ST6GALNAC3: variants seen among roughly 807,000 people sequenced by gnomAD.
ST6GALNAC3 encodes alpha-N-acetylgalactosaminide alpha-2,6-sialyltransferase 3.
In ST6GALNAC3, 25 loss-of-function variants were observed where a neutral mutation model predicts 32.7. The ratio of observed to expected loss-of-function variants is 0.76; its 90% confidence interval spans 0.56 to 1.07. The LOEUF (loss-of-function observed/expected upper bound fraction) is 1.07. Among genes scored for constraint, ST6GALNAC3 ranks in the 50% least tolerant of loss-of-function variants. ST6GALNAC3 has a pLI of 0.00. For synonymous variants in ST6GALNAC3, 129 were observed against 133.1 expected (o/e 0.97, Z 0.21); for missense variants, 355 against 382.4 (o/e 0.93, Z 0.60).
At chr1:76,217,297 TC>T (rs1361971227) in intron 1 of ST6GALNAC3, among the ~76,000 whole-genome samples, 1 of 152,236 alleles carries the variant, frequency 6.6e-6, no homozygotes, top group African/African-American at 2.4e-5. Context: ...ACTAGATTTT[TC>T]TTTTAATCAT....
chr1:76,223,176 G>A (rs1014156134), intron 1 of ST6GALNAC3, among the ~76,000 whole-genome samples: 1 of 152,102 alleles, frequency 6.6e-6, no homozygotes, highest in Non-Finnish European at 1.5e-5. Context: ...ATAAAGAAAT[G>A]TGGTACATAT....
intron 1 of ST6GALNAC3, among the ~76,000 whole-genome samples, chr1:76,305,386 G>A (rs930844773): frequency 1.2e-4 from 18 of 152,036 alleles, no homozygotes; most frequent in African/African-American, 4.1e-4. Flanking sequence ...CTTTGAATAG[G>A]GCAGAAGGAG....
chr1:76,558,372 G>A (rs71656889), intron 3 of ST6GALNAC3, among the ~76,000 whole-genome samples: 7,872 of 152,156 alleles, frequency 0.052, 251 homozygotes, highest in Middle Eastern at 0.085. Flanking sequence ...GCTGGATAAA[G>A]AAAATGTACA....
intron 1 of ST6GALNAC3, among the ~76,000 whole-genome samples, chr1:76,211,151 A>G (rs898197528): frequency 5.9e-5 from 9 of 152,228 alleles, no homozygotes; most frequent in Non-Finnish European, 1.2e-4. Context: ...TTCTCAAAAG[A>G]AGACATTTAT....
At chr1:76,340,426 C>T (rs1316566115) in intron 2 of ST6GALNAC3, among the ~76,000 whole-genome samples, 1 of 152,140 alleles carries the variant, frequency 6.6e-6, no homozygotes, top group African/African-American at 2.4e-5. Flanking sequence ...GAAGGGTGCT[C>T]CCAAGGTGCC....
chr1:76,608,597 A>G (rs890139081), intron 3 of ST6GALNAC3, among the ~76,000 whole-genome samples: 3 of 135,162 alleles, frequency 2.2e-5, no homozygotes, highest in Admixed American at 1.5e-4. Flanking sequence ...TGAGCTGGAA[A>G]TGTGTGTGTG....
intron 3 of ST6GALNAC3, among the ~76,000 whole-genome samples, chr1:76,600,552 A>G (rs1647207965): frequency 6.6e-6 from 1 of 152,068 alleles, no homozygotes; most frequent in African/African-American, 2.4e-5. Flanking sequence ...CCCCTCCAAA[A>G]AAGTCTAGGA....
At chr1:76,559,824 A>G (rs1665142926) in intron 3 of ST6GALNAC3, among the ~76,000 whole-genome samples, 2 of 152,162 alleles carry the variant, frequency 1.3e-5, no homozygotes, top group African/African-American at 4.8e-5. Context: ...CAGAGGTGAC[A>G]GCATGGTGGA....
Position 76,541,847 on chromosome 1 carries a change from G to A in ST6GALNAC3, c.624-85605G>A, listed in dbSNP as rs150191868. On this transcript the variant is annotated intron_variant, in intron 3 of 4. Transcript: ENST00000328299. ...TGCCACAGGCAGCTCTGTGAGGCAC[G>A]TGCTGCTGCTTCTGAAATGATGCAT... Among the ~76,000 whole-genome samples the A allele has an allele frequency of 1.9e-3, 287 of 152,270 alleles. 1 individual carries two copies. Among genetic ancestry groups the A allele is most frequent in the African/African-American group, 6.5e-3 (271 of 41,546 alleles).
chr1:76,094,413 G>A (rs1647094919), intron 1 of ST6GALNAC3, among the ~76,000 whole-genome samples: 1 of 152,176 alleles, frequency 6.6e-6, no homozygotes, highest in South Asian at 2.1e-4. Context: ...AGCTTCCCAA[G>A]TGCTAGGCAT....
At chr1:76,564,575 ATTTTTTTTT>A (rs200008546) in intron 3 of ST6GALNAC3, among the ~76,000 whole-genome samples, 1 of 126,268 alleles carries the variant, frequency 7.9e-6, no homozygotes, top group Non-Finnish European at 1.6e-5. Flanking sequence ...TGAATGCAGC[ATTTTTTTTT>A]TTTTTTTTTT....
intron 3 of ST6GALNAC3, among the ~76,000 whole-genome samples, chr1:76,461,491 T>A (rs780822526): frequency 2.6e-5 from 4 of 152,216 alleles, no homozygotes; most frequent in Non-Finnish European, 5.9e-5. Context: ...ACACTCACTT[T>A]GGAAGAATGG....
chr1:76,421,963 A>C (rs968788079), intron 3 of ST6GALNAC3, among the ~76,000 whole-genome samples: 1 of 151,848 alleles, frequency 6.6e-6, no homozygotes, highest in African/African-American at 2.4e-5. Flanking sequence ...TCCTTACCTC[A>C]CATACCCAGC....
At chr1:76,592,168 A>C (rs1167250790) in intron 3 of ST6GALNAC3, among the ~76,000 whole-genome samples, 4 of 152,174 alleles carry the variant, frequency 2.6e-5, no homozygotes, top group African/African-American at 7.2e-5. Flanking sequence ...CTGTGTCAGC[A>C]GTTTAGGGGA....
In ST6GALNAC3 at chr1:76,475,795, C is replaced by T. The variant is rs561285145; in HGVS notation, c.623+63378C>T. Among the ~76,000 whole-genome samples, 8 of 152,296 alleles carry T rather than the reference C, an allele frequency of 5.3e-5. No homozygotes were observed. The East Asian group carries it at 1.5e-3, about 29-fold the overall frequency. On this transcript the variant is annotated intron_variant, in intron 3 of 4. Transcript: ENST00000328299. ...ATACACGTGGCATGGTGGTTTGCTGCACCCATCAACCCATCATCTACATTA... is the reference window on the plus strand; with the variant it reads ...ATACACGTGGCATGGTGGTTTGCTGTACCCATCAACCCATCATCTACATTA...
Position 76,451,006 on chromosome 1 carries a change from T to C in ST6GALNAC3, c.623+38589T>C, listed in dbSNP as rs370387053. Among the ~76,000 whole-genome samples, 141 of 152,360 alleles carry C rather than the reference T, an allele frequency of 9.3e-4. 1 individual carries two copies. Among genetic ancestry groups the C allele is most frequent in the Middle Eastern group, 3.4e-3 (1 of 294 alleles). ...GTGATGTCTTCAGATTTGTTCTTTT[T>C]GCTTAGTCTTGCTTTGGCTATGAAA... On this transcript the variant is annotated intron_variant, in intron 3 of 4. Transcript: ENST00000328299.
rs1390391101 is a variant in ST6GALNAC3, at chr1:76,412,087, T to C, written c.293T>C (p.Ile98Thr). The C allele has an allele frequency of 3.1e-6, 5 of 1,613,574 alleles. No homozygotes were observed. Among genetic ancestry groups the C allele is most frequent in the East Asian group, 2.2e-5 (1 of 44,864 alleles). The part of the protein sequence containing the change: ...QMVGQKVGNE[I>T]DRSSCIWRMN... Reference sequence around the variant, plus strand: ...GTTGGCCAGAAGGTGGGAAATGAGATAGATCGATCCTCCTGCATTTGGAGA... The same window carrying C: ...GTTGGCCAGAAGGTGGGAAATGAGACAGATCGATCCTCCTGCATTTGGAGA... The change falls in exon 3 of 5, where the codon ATA (isoleucine) becomes ACA (threonine). Residue 98 changes from isoleucine (I) to threonine (T), a missense_variant. Physicochemically the swap from Ile to Thr is moderately conservative, Grantham distance 89. Coordinates refer to ENST00000328299, the MANE Select transcript of ST6GALNAC3 (RefSeq NM_152996.4).
At chr1:76,298,612 G>A (rs745863981) in intron 1 of ST6GALNAC3, among the ~76,000 whole-genome samples, 16 of 152,068 alleles carry the variant, frequency 1.1e-4, no homozygotes, top group Non-Finnish European at 1.9e-4. Flanking sequence ...AGTGGGAGTG[G>A]TGTCTGGTAT....
chr1:76,468,163 G>T (rs1026505794), intron 3 of ST6GALNAC3, among the ~76,000 whole-genome samples: 1 of 151,668 alleles, frequency 6.6e-6, no homozygotes, highest in East Asian at 1.9e-4. Flanking sequence ...AGTGAGTGAG[G>T]GTGGGTCTAG....
Sources: allele counts gnomAD v4.1 joint callset (sites outside exome capture counted in the v4.1 genomes callset), GRCh38; gene constraint gnomAD v4.1.1; transcripts MANE v1.5; gene names NCBI Gene and HGNC (gene_info 2026-07-23, HGNC 2026-07-21).